The following SH3GL3 variants were observed in gnomAD, a reference collection of about 807,000 sequenced individuals.
SH3GL3 encodes the protein endophilin-A3.
A neutral mutation model predicts 47.7 loss-of-function variants in SH3GL3; 33 were observed. The observed-to-expected ratio is 0.69, with a 90% CI of 0.52 to 0.92. SH3GL3 has a LOEUF of 0.92. SH3GL3 is among the 40% of genes least tolerant of loss of function. The pLI is 0.00. For synonymous variants in SH3GL3, 155 were observed against 148.8 expected (o/e 1.04, Z -0.30); for missense variants, 363 against 417.8 (o/e 0.87, Z 1.14).
At chr15:83,456,675 G>A (rs993470683) in intron 1 of SH3GL3, among the ~76,000 whole-genome samples, 142 of 143,016 alleles carry the variant, frequency 9.9e-4, no homozygotes, top group Middle Eastern at 3.5e-3. Context: ...GCTCGCGCAC[G>A]GTGCGCACAC....
Position 83,559,295 on chromosome 15 carries a change from G to C in SH3GL3, c.88G>C (p.Asp30His). Residue 30 changes from aspartate (D) to histidine (H), a missense_variant, in exon 2 of 9, where the codon GAC becomes CAC. By Grantham distance (81) the Asp-to-His change is moderately conservative. Coordinates refer to ENST00000427482, the MANE Select transcript of SH3GL3 (RefSeq NM_003027.5). Reference protein sequence around the residue: ...KISGAEGTKLDDEFLDMERKI... With the variant: ...KISGAEGTKLHDEFLDMERKI... Reference sequence around the variant, plus strand: ...AAGTGGTGCTGAAGGAACTAAACTAGACGATGAATTTCTTGACATGGAAAG... The same window carrying C: ...AAGTGGTGCTGAAGGAACTAAACTACACGATGAATTTCTTGACATGGAAAG... 6.3e-7 allele frequency: 1 copy of C among 1,593,322 alleles called. No homozygotes were observed. Among genetic ancestry groups the C allele is most frequent in the Non-Finnish European group, 8.6e-7 (1 of 1,161,134 alleles).
At chr15:83,576,527 T>G in intron 5 of SH3GL3, 56 bp from the exon 6 acceptor site, 1 of 1,476,456 alleles carries the variant, frequency 6.8e-7, no homozygotes. Context: ...AAATAATTTT[T>G]TGTGCCAGGT....
chr15:83,572,791 A>T, intron 5 of SH3GL3, 93 bp downstream of exon 5: 1 of 896,688 alleles, frequency 1.1e-6, no homozygotes, highest in Non-Finnish European at 1.7e-6. Context: ...TGAAAGCATC[A>T]TCTTATGATG....
chr15:83,521,299 G>A (rs1790858511), intron 1 of SH3GL3, among the ~76,000 whole-genome samples: 1 of 152,200 alleles, frequency 6.6e-6, no homozygotes, highest in African/African-American at 2.4e-5. Context: ...TCACATGGAA[G>A]GGATTTCATA....
chr15:83,569,831 T>C (rs559352218), intron 4 of SH3GL3, among the ~76,000 whole-genome samples: 1 of 152,342 alleles, frequency 6.6e-6, no homozygotes, highest in Admixed American at 6.5e-5. Context: ...TTTGTGTCCT[T>C]AGCCTGCTTT....
At chr15:83,518,237 C>T (rs942066349) in intron 1 of SH3GL3, among the ~76,000 whole-genome samples, 26 of 152,128 alleles carry the variant, frequency 1.7e-4, no homozygotes, top group African/African-American at 6.0e-4. Context: ...GATTTATTTT[C>T]CTTTGGGTAT....
chr15:83,538,426 G>A (rs1402005043), intron 1 of SH3GL3, among the ~76,000 whole-genome samples: 2 of 152,174 alleles, frequency 1.3e-5, no homozygotes, highest in Admixed American at 1.3e-4. Context: ...ACAGTATGAT[G>A]TATTTTAACA....
chr15:83,598,305 C>A (rs1411916852), intron 8 of SH3GL3, among the ~76,000 whole-genome samples: 4 of 152,294 alleles, frequency 2.6e-5, no homozygotes, highest in Non-Finnish European at 5.9e-5. Flanking sequence ...TCCACTTACA[C>A]TGAGTTTTGA....
At chr15:83,612,577 G>GT in intron 8 of SH3GL3, among the ~76,000 whole-genome samples, 1 of 152,336 alleles carries the variant, frequency 6.6e-6, no homozygotes, top group African/African-American at 2.4e-5. Flanking sequence ...TCCAGCCCCC[G>GT]TGTTAGTCCA....
At chr15:83,488,467 T>G (rs2041710876) in intron 1 of SH3GL3, among the ~76,000 whole-genome samples, 1 of 152,150 alleles carries the variant, frequency 6.6e-6, no homozygotes, top group Non-Finnish European at 1.5e-5. Context: ...TCCTTGAGGC[T>G]TTTGTGGAGG....
chr15:83,503,084 A>G (rs1446011392), intron 1 of SH3GL3, among the ~76,000 whole-genome samples: 3 of 152,152 alleles, frequency 2.0e-5, no homozygotes, highest in Admixed American at 6.5e-5. Context: ...TTTTCTGTTC[A>G]TTATTTTGGA....
At chr15:83,486,239 T>TA (rs759239690) in intron 1 of SH3GL3, among the ~76,000 whole-genome samples, 8 of 152,224 alleles carry the variant, frequency 5.3e-5, no homozygotes, top group Non-Finnish European at 8.8e-5. Flanking sequence ...TGCTTTTTTT[T>TA]AAATTCAAAT....
chr15:83,540,180 T>C (rs1006920789), intron 1 of SH3GL3, among the ~76,000 whole-genome samples: 16 of 152,170 alleles, frequency 1.1e-4, no homozygotes, highest in African/African-American at 3.4e-4. Context: ...CTCTGCATGA[T>C]TTTGGTCTTT....
At chr15:83,627,180 G>A in the SH3GL3 span, among the ~76,000 whole-genome samples, 101 of 152,168 alleles carry the variant, frequency 6.6e-4, no homozygotes, top group African/African-American at 2.4e-3. Context: ...GGCGGATCAC[G>A]AGGTCAGCAG....
At chr15:83,501,317 T>G (rs2042283813) in intron 1 of SH3GL3, among the ~76,000 whole-genome samples, 1 of 152,230 alleles carries the variant, frequency 6.6e-6, no homozygotes, top group East Asian at 1.9e-4. Context: ...ATTTCATACA[T>G]AAGCTGAACT....
chr15:83,534,013 G>A (rs2043798047), intron 1 of SH3GL3, among the ~76,000 whole-genome samples: 1 of 152,138 alleles, frequency 6.6e-6, no homozygotes, highest in Admixed American at 6.5e-5. Flanking sequence ...GCTTTGATCT[G>A]CCTTGATGTT....
At chr15:83,563,175 A>G (rs997837928) in intron 2 of SH3GL3, among the ~76,000 whole-genome samples, 2 of 152,190 alleles carry the variant, frequency 1.3e-5, no homozygotes, top group African/African-American at 4.8e-5. Context: ...CTTCTATTAT[A>G]AATCATTCTG....
the SH3GL3 span, among the ~76,000 whole-genome samples, chr15:83,627,495 A>T: frequency 6.6e-6 from 1 of 152,354 alleles, no homozygotes; most frequent in Admixed American, 6.5e-5. Flanking sequence ...GGTGACCCAA[A>T]AACTATTCAA....
Position 83,461,790 on chromosome 15 carries a change from T to TA in SH3GL3, c.45+14222dup, listed in dbSNP as rs548533737. 6.4e-3 allele frequency among the ~76,000 whole-genome samples: 953 copies of TA among 149,466 alleles called. 5 individuals are homozygous for TA. Among genetic ancestry groups the TA allele is most frequent in the Non-Finnish European group, 8.3e-3 (560 of 67,166 alleles). ...GATTTGGCCTTCTTGCTTCAGAAGTTAAAAAAAAAAGTTCAATCTGAGATT... is the reference window on the plus strand; with the variant it reads ...GATTTGGCCTTCTTGCTTCAGAAGTTAAAAAAAAAAAGTTCAATCTGAGATT... On this transcript the variant is annotated intron_variant, in intron 1 of 8. Coordinates refer to ENST00000427482, the MANE Select transcript of SH3GL3 (RefSeq NM_003027.5).
Sources: allele counts gnomAD v4.1 joint callset (sites outside exome capture counted in the v4.1 genomes callset), GRCh38; gene constraint gnomAD v4.1.1; transcripts MANE v1.5; gene names NCBI Gene and HGNC (gene_info 2026-07-23, HGNC 2026-07-21).